Variants in PKD2 observed in about 807,000 individuals in gnomAD.
PKD2 encodes the protein polycystin-2.
Under a neutral mutation model 105.9 loss-of-function variants are expected in PKD2, and 48 were observed. That is an observed-to-expected ratio of 0.45 (90% CI 0.36 to 0.58). The LOEUF (loss-of-function observed/expected upper bound fraction) is 0.58. PKD2 is among the 20% of genes least tolerant of loss of function. The pLI, the probability that PKD2 is intolerant of heterozygous loss-of-function variation, is 0.00. For synonymous variants in PKD2, 464 were observed against 481.1 expected, an observed-to-expected ratio of 0.96 and a Z score of 0.46; for missense variants, 1,078 against 1,255.3, an observed-to-expected ratio of 0.86 and a Z score of 2.13.
intron 6 of PKD2, among the ~76,000 whole-genome samples, chr4:88,048,464 A>G (rs1330687990): frequency 6.6e-6 from 1 of 152,194 alleles, no homozygotes; most frequent in Admixed American, 6.5e-5. Flanking sequence ...GGCAATAACT[A>G]TATTAGCAGC....
intron 2 of PKD2, among the ~76,000 whole-genome samples, chr4:88,031,916 T>C (rs979592713): frequency 4.6e-5 from 7 of 152,340 alleles, no homozygotes; most frequent in South Asian, 2.1e-4. Flanking sequence ...GTATTCACCT[T>C]ATAATGTCCT....
In PKD2 at chr4:88,036,371, T is replaced by A. The variant is rs1487433716; in HGVS notation, c.843+18T>A. 6.2e-7 allele frequency: 1 copy of A among 1,610,468 alleles called. No individual in the cohort carries two copies. On this transcript the variant is annotated intron_variant, in intron 3 of 14. Transcript: ENST00000237596. ...TCTGGAAGGTATTTGCAAATAACTTTGAAAGTACCTCTCTATCACAGAAAA... is the reference window on the plus strand; with the variant it reads ...TCTGGAAGGTATTTGCAAATAACTTAGAAAGTACCTCTCTATCACAGAAAA...
At position 88,065,377 on chromosome 4, in the gene PKD2, T is replaced by TTTG; in HGVS notation, c.2122_2123insTTG (p.Tyr708delinsPheAsp). ...TTATTTTTTCTCTCTCTGATAGGGCTACCATAAAGCTTTGGTCAAACTAAA... is the reference window on the plus strand; with the variant it reads ...TTATTTTTTCTCTCTCTGATAGGGCTTTGACCATAAAGCTTTGGTCAAACTAAA... On this transcript the variant is annotated protein_altering_variant, in exon 11 of 15. Coordinates refer to ENST00000237596, the MANE Select transcript of PKD2 (RefSeq NM_000297.4). The TTTG allele has an allele frequency of 6.2e-7, 1 of 1,611,618 alleles. No individual in the cohort carries two copies. Among genetic ancestry groups the TTTG allele is most frequent in the South Asian group, 1.1e-5 (1 of 91,034 alleles).
chr4:88,036,408 G>T, intron 3 of PKD2, 55 bp downstream of exon 3: 2 of 1,609,328 alleles, frequency 1.2e-6, no homozygotes, highest in African/African-American at 1.3e-5. Flanking sequence ...TGTTCATTTG[G>T]CTTCATCATT....
At chr4:88,048,649 T>TA (rs796945294) in intron 6 of PKD2, among the ~76,000 whole-genome samples, 76 of 152,272 alleles carry the variant, frequency 5.0e-4, no homozygotes, top group African/African-American at 1.7e-3. Flanking sequence ...AGTTTTTACT[T>TA]AAAGTAAAAA....
chr4:88,046,881 GAAC>G lies in PKD2; in HGVS notation c.1548+16_1548+18del. 7.0e-7 allele frequency: 1 copy of G among 1,437,560 alleles called. No homozygotes were observed. Among genetic ancestry groups the G allele is most frequent in the Non-Finnish European group, 9.8e-7 (1 of 1,019,038 alleles). The allele number at this position is 1,437,560 out of a possible 1,614,324, so 89.1% of individuals were successfully genotyped here. The stretch of plus-strand genomic sequence containing the variant: ...GTTGTGATCGTTGTGGTAGGTTTGA[GAAC>G]AACACCAAATTTCCTATTCTATTCT... On this transcript the variant is annotated intron_variant, in intron 6 of 14. Coordinates refer to ENST00000237596, the MANE Select transcript of PKD2 (RefSeq NM_000297.4).
intron 2 of PKD2, among the ~76,000 whole-genome samples, chr4:88,021,166 A>G (rs1726734920): frequency 1.3e-5 from 2 of 152,244 alleles, no homozygotes; most frequent in South Asian, 4.1e-4. Flanking sequence ...TATGCAAAAT[A>G]GAAGGTAACC....
intron 4 of PKD2, among the ~76,000 whole-genome samples, chr4:88,039,759 T>C (rs1041810979): frequency 6.6e-6 from 1 of 151,702 alleles, no homozygotes; most frequent in East Asian, 1.9e-4. Flanking sequence ...GTTATGATAG[T>C]GATTTCGCTT....
At chr4:88,067,773 G>C in intron 12 of PKD2, 125 bp from the exon 13 acceptor site, 2 of 812,016 alleles carry the variant, frequency 2.5e-6, no homozygotes, top group Non-Finnish European at 4.1e-6. Flanking sequence ...TCCCAGCCTG[G>C]TGTTAAATAC....
intron 7 of PKD2, among the ~76,000 whole-genome samples, chr4:88,055,695 TA>T (rs1720300388): frequency 1.3e-5 from 2 of 151,758 alleles, no homozygotes; most frequent in African/African-American, 4.9e-5. Context: ...TAACCATGCT[TA>T]AGTGTACAAT....
chr4:88,047,844 AT>A (rs1229556339), intron 6 of PKD2, among the ~76,000 whole-genome samples: 2 of 152,192 alleles, frequency 1.3e-5, no homozygotes, highest in South Asian at 4.1e-4. Context: ...AAAAATAAAA[AT>A]AAAAAATAAA....
intron 6 of PKD2, 74 bp from the exon 7 acceptor site, chr4:88,051,917 A>T (rs1354118030): frequency 6.2e-6 from 5 of 804,924 alleles, no homozygotes; most frequent in Non-Finnish European, 1.0e-5. Context: ...GTGAAGAAAA[A>T]TATACTAGTC....
At chr4:88,065,920 A>G in intron 12 of PKD2, 41 bp downstream of exon 12, 1 of 1,045,850 alleles carries the variant, frequency 9.6e-7, no homozygotes, top group Non-Finnish European at 1.5e-6. Context: ...TTTGGTACCT[A>G]CAACACCACA....
intron 2 of PKD2, among the ~76,000 whole-genome samples, chr4:88,030,438 C>T (rs901063766): frequency 6.6e-6 from 1 of 152,184 alleles, no homozygotes; most frequent in African/African-American, 2.4e-5. Flanking sequence ...GCTATCTCAA[C>T]GTCAAGATAA....
chr4:88,065,307 G>C, intron 10 of PKD2, 67 bp from the exon 11 acceptor site: 1 of 1,455,700 alleles, frequency 6.9e-7, no homozygotes, highest in Non-Finnish European at 9.6e-7. Flanking sequence ...ACTGTGAATG[G>C]AAAGTAAAAC....
intron 2 of PKD2, among the ~76,000 whole-genome samples, chr4:88,026,306 T>TA (rs1726956552): frequency 6.6e-6 from 1 of 152,206 alleles, no homozygotes; most frequent in Non-Finnish European, 1.5e-5. Context: ...ACGTCACTCT[T>TA]ACATGTTTTA....
intron 2 of PKD2, among the ~76,000 whole-genome samples, chr4:88,031,522 AG>A (rs1257293052): frequency 2.0e-5 from 3 of 152,218 alleles, no homozygotes; most frequent in Admixed American, 6.5e-5. Flanking sequence ...ACTGTGGCCA[AG>A]GCATCTTAGT....
chr4:88,050,698 T>C (rs951084533), intron 6 of PKD2, among the ~76,000 whole-genome samples: 21 of 150,830 alleles, frequency 1.4e-4, no homozygotes, highest in Non-Finnish European at 2.6e-4. Flanking sequence ...ATGTATTAGC[T>C]GAGATGAGCT....
intron 2 of PKD2, among the ~76,000 whole-genome samples, chr4:88,034,058 C>A (rs1727249364): frequency 6.6e-6 from 1 of 152,094 alleles, no homozygotes; most frequent in African/African-American, 2.4e-5. Context: ...ATACCTTGTT[C>A]CATAAATATG....
Sources: allele counts gnomAD v4.1 joint callset (sites outside exome capture counted in the v4.1 genomes callset), GRCh38; gene constraint gnomAD v4.1.1; transcripts MANE v1.5; gene names NCBI Gene and HGNC (gene_info 2026-07-23, HGNC 2026-07-21).